Variants in UBE2E2 observed in about 807,000 individuals in gnomAD.
UBE2E2 encodes the protein ubiquitin-conjugating enzyme E2 E2.
In UBE2E2, 6 loss-of-function variants were observed where a neutral mutation model predicts 24.7. The observed-to-expected ratio is 0.24, with a 90% confidence interval of 0.13 to 0.48. The LOEUF (loss-of-function observed/expected upper bound fraction) is 0.48. Among genes scored for constraint, UBE2E2 ranks in the 20% least tolerant of loss-of-function variants. The pLI, the probability that UBE2E2 is intolerant of heterozygous loss-of-function variation, is 0.99. For synonymous variants in UBE2E2, 104 were observed against 83.6 expected, an observed-to-expected ratio of 1.24 and a Z score of -1.33; for missense variants, 169 against 245.0, an observed-to-expected ratio of 0.69 and a Z score of 2.07.
intron 3 of UBE2E2, among the ~76,000 whole-genome samples, chr3:23,449,703 C>CA (rs1273830085): frequency 1.3e-5 from 2 of 152,216 alleles, no homozygotes; most frequent in Admixed American, 1.3e-4. Context: ...CAGACAGAAT[C>CA]AATCACACAT....
At chr3:23,375,490 G>C (rs1348112400) in intron 3 of UBE2E2, among the ~76,000 whole-genome samples, 1 of 152,158 alleles carries the variant, frequency 6.6e-6, no homozygotes, top group Non-Finnish European at 1.5e-5. Context: ...CTGGCGAGAA[G>C]ACTTGGACAG....
intron 5 of UBE2E2, among the ~76,000 whole-genome samples, chr3:23,554,789 A>G (rs1011949542): frequency 2.0e-5 from 3 of 152,160 alleles, no homozygotes; most frequent in Non-Finnish European, 2.9e-5. Context: ...AAGGACAACT[A>G]CAGACTGGGA....
intron 4 of UBE2E2, among the ~76,000 whole-genome samples, chr3:23,516,420 A>G (rs936370319): frequency 6.6e-5 from 10 of 152,204 alleles, no homozygotes; most frequent in Non-Finnish European, 1.3e-4. Flanking sequence ...AGTTGGTATT[A>G]GAGAAGAAAA....
intron 5 of UBE2E2, among the ~76,000 whole-genome samples, chr3:23,570,640 A>C (rs60137984): frequency 0.23 from 34,381 of 152,142 alleles, 3,970 homozygotes; most frequent in Non-Finnish European, 0.26. Flanking sequence ...GATATTTGCC[A>C]AACTCTTTCC....
chr3:23,476,627 G>T (rs1221783764), intron 3 of UBE2E2, among the ~76,000 whole-genome samples: 1 of 152,112 alleles, frequency 6.6e-6, no homozygotes, highest in Non-Finnish European at 1.5e-5. Flanking sequence ...GATCAAGGCT[G>T]CAGTGAGCTG....
intron 3 of UBE2E2, among the ~76,000 whole-genome samples, chr3:23,366,987 G>C (rs1257235836): frequency 1.3e-5 from 2 of 152,024 alleles, no homozygotes; most frequent in Non-Finnish European, 2.9e-5. Context: ...ATAGTAAATT[G>C]CTTCTATCAG....
chr3:23,586,159 G>A (rs1559430651), intron 5 of UBE2E2, among the ~76,000 whole-genome samples: 1 of 152,104 alleles, frequency 6.6e-6, no homozygotes, highest in East Asian at 1.9e-4. Context: ...CTCCTTTCAT[G>A]AAATATTAGC....
intron 3 of UBE2E2, among the ~76,000 whole-genome samples, chr3:23,236,483 CTTTT>C (rs530403264): frequency 4.8e-5 from 6 of 124,344 alleles, no homozygotes; most frequent in Admixed American, 1.6e-4. Context: ...TTCTTAGGTC[CTTTT>C]TTTTTTTTTT....
intron 1 of UBE2E2, among the ~76,000 whole-genome samples, chr3:23,205,222 A>C (rs1477979626): frequency 6.6e-6 from 1 of 152,222 alleles, no homozygotes; most frequent in Non-Finnish European, 1.5e-5. Context: ...AAGCGTATTT[A>C]TCTCTCTCAA....
intron 3 of UBE2E2, among the ~76,000 whole-genome samples, chr3:23,375,493 T>TGG (rs1696499248): frequency 6.6e-6 from 1 of 152,164 alleles, no homozygotes; most frequent in Non-Finnish European, 1.5e-5. Context: ...GCGAGAAGAC[T>TGG]TGGACAGCAA....
chr3:23,471,778 A>G (rs556096651), intron 3 of UBE2E2, among the ~76,000 whole-genome samples: 2 of 152,350 alleles, frequency 1.3e-5, no homozygotes, highest in South Asian at 4.1e-4. Context: ...AACAAAGTCC[A>G]TATAAAAAGT....
intron 3 of UBE2E2, among the ~76,000 whole-genome samples, chr3:23,366,077 G>A (rs550690128): frequency 3.5e-4 from 53 of 151,848 alleles, no homozygotes; most frequent in Non-Finnish European, 7.2e-4. Context: ...AGATTGAAAC[G>A]AACCATTAGA....
rs569897677 is a variant in UBE2E2 at position 23,591,402 on chromosome 3, A to C, written c.*1571A>C. On this transcript the variant is annotated 3_prime_UTR_variant, in exon 6 of 6. Transcript: ENST00000396703. The stretch of plus-strand genomic sequence containing the variant: ...AGTTTTTGTTGTTTTTAACTAGTTA[A>C]AAATAAATCCTAAGAAAATATATTT... 3.3e-5 allele frequency: 5 copies of C among 152,360 alleles called. No homozygotes were observed. In the East Asian group the frequency reaches 9.6e-4, roughly 29 times the overall value. The allele number at this position is 152,360 out of a possible 1,614,324, so 9.4% of individuals were successfully genotyped here.
chr3:23,487,608 T>G (rs1351129885), intron 3 of UBE2E2, among the ~76,000 whole-genome samples: 35 of 152,214 alleles, frequency 2.3e-4, no homozygotes, highest in Non-Finnish European at 1.5e-5. Flanking sequence ...ATATATTAAT[T>G]CATTTGATGC....
At chr3:23,499,992 T>C (rs1323159600) in intron 4 of UBE2E2, among the ~76,000 whole-genome samples, 1 of 152,202 alleles carries the variant, frequency 6.6e-6, no homozygotes, top group Non-Finnish European at 1.5e-5. Context: ...TGTTATATGT[T>C]TTAATGTAAC....
intron 3 of UBE2E2, among the ~76,000 whole-genome samples, chr3:23,243,081 G>A (rs1452995584): frequency 6.9e-6 from 1 of 145,162 alleles, no homozygotes; most frequent in African/African-American, 2.5e-5. Flanking sequence ...GTGAGACGCT[G>A]TTTCAAAAAA....
At chr3:23,462,200 T>C (rs1054187899) in intron 3 of UBE2E2, among the ~76,000 whole-genome samples, 71 of 151,068 alleles carry the variant, frequency 4.7e-4, no homozygotes, top group African/African-American at 1.6e-3. Flanking sequence ...CTTTATCTGC[T>C]GTTCTTAATA....
intron 3 of UBE2E2, among the ~76,000 whole-genome samples, chr3:23,222,689 T>C (rs1696689064): frequency 6.6e-6 from 1 of 152,208 alleles, no homozygotes; most frequent in African/African-American, 2.4e-5. Flanking sequence ...CAGGTATGTC[T>C]TTATGGGCAG....
intron 3 of UBE2E2, among the ~76,000 whole-genome samples, chr3:23,418,023 C>A (rs1242393672): frequency 1.3e-5 from 2 of 152,130 alleles, no homozygotes; most frequent in Admixed American, 1.3e-4. Context: ...CTGAGCTAAA[C>A]CACTTGGCTC....
Sources: allele counts gnomAD v4.1 joint callset (sites outside exome capture counted in the v4.1 genomes callset), GRCh38; gene constraint gnomAD v4.1.1; transcripts MANE v1.5; gene names NCBI Gene and HGNC (gene_info 2026-07-23, HGNC 2026-07-21).